The following NRG1 variants were observed in gnomAD, a reference collection of about 807,000 sequenced individuals.
NRG1 encodes pro-neuregulin-1, membrane-bound isoform.
Under a neutral mutation model 63.8 loss-of-function variants are expected in NRG1, and 18 were observed. That is an observed-to-expected ratio of 0.28 (90% CI 0.19 to 0.42). NRG1 has a LOEUF of 0.42. NRG1 is among the 10% of genes least tolerant of loss of function. The probability of loss-of-function intolerance (pLI) is 1.00; values close to 1 mark genes in which losing one functional copy is unlikely to be tolerated. For missense variants in NRG1, 762 were observed against 814.7 expected, an observed-to-expected ratio of 0.94 and a Z score of 0.79; for synonymous variants, 302 against 301.3, an observed-to-expected ratio of 1.00 and a Z score of -0.02.
intron 1 of NRG1, among the ~76,000 whole-genome samples, chr8:32,253,222 C>A (rs1427556935): frequency 6.6e-6 from 1 of 152,146 alleles, no homozygotes; most frequent in Non-Finnish European, 1.5e-5. Flanking sequence ...GCCAGAACTT[C>A]CAATACAATG....
chr8:32,412,469 T>TATATACATATATATATATATATATATAC (rs1399867985), intron 1 of NRG1, among the ~76,000 whole-genome samples: 1 of 134,062 alleles, frequency 7.5e-6, no homozygotes, highest in Non-Finnish European at 1.7e-5. Context: ...TATATATATA[T>TATATACATATATATATATATATATATAC]ATATATGAAC....
At chr8:31,682,426 G>A (rs12677942) in intron 1 of NRG1, among the ~76,000 whole-genome samples, 29,356 of 152,014 alleles carry the variant, frequency 0.19, 3,344 homozygotes, top group East Asian at 0.27. Flanking sequence ...ATAACTCAGA[G>A]GTTCGTTAGC....
chr8:32,497,502 T>C lies in NRG1; in HGVS notation c.38-98326T>C, dbSNP rs149548955. 2.7e-5 allele frequency among the ~76,000 whole-genome samples: 4 copies of C among 149,552 alleles called. No individual in the cohort carries two copies. The East Asian group carries it at 7.8e-4, about 29-fold the overall frequency. ...AAATGATACCTAAAATGATAAACAATTTAAATTTAGCATAATTATCATTTT... is the reference window on the plus strand; with the variant it reads ...AAATGATACCTAAAATGATAAACAACTTAAATTTAGCATAATTATCATTTT... On this transcript the variant is annotated intron_variant, in intron 1 of 10. Transcript: ENST00000519301.
intron 1 of NRG1, among the ~76,000 whole-genome samples, chr8:31,650,391 A>G (rs934862202): frequency 6.6e-6 from 1 of 152,162 alleles, no homozygotes; most frequent in African/African-American, 2.4e-5. Flanking sequence ...ATAAAGCCTT[A>G]TCTTTCTCAC....
intron 7 of NRG1, chr8:32,750,959 A>G (rs1052815650): frequency 6.6e-6 from 1 of 152,294 alleles, no homozygotes; most frequent in Non-Finnish European, 1.5e-5. Context: ...AGGGAGGGAA[A>G]AAATTCTACC....
intron 1 of NRG1, among the ~76,000 whole-genome samples, chr8:32,542,953 C>T (rs1365351481): frequency 6.6e-6 from 1 of 151,932 alleles, no homozygotes; most frequent in East Asian, 1.9e-4. Flanking sequence ...GATGGGTGGG[C>T]CACAGAAAGA....
intron 3 of NRG1, among the ~76,000 whole-genome samples, chr8:32,608,324 T>C (rs1281920476): frequency 6.6e-6 from 1 of 151,452 alleles, no homozygotes; most frequent in East Asian, 1.9e-4. Flanking sequence ...GTGCATGCCA[T>C]TACGCCTGGC....
chr8:32,630,562 C>G (rs73590618), intron 5 of NRG1, among the ~76,000 whole-genome samples: 3,459 of 152,216 alleles, frequency 0.023, 137 homozygotes, highest in African/African-American at 0.08. Context: ...TCAGCTACTT[C>G]ATGTTTGAAG....
intron 5 of NRG1, among the ~76,000 whole-genome samples, chr8:32,628,733 C>CT (rs66843732): frequency 0.012 from 1,614 of 138,128 alleles, 19 homozygotes; most frequent in African/African-American, 0.029. Flanking sequence ...ACTTTCTGCC[C>CT]TTTTTTTTTT....
chr8:31,734,017 C>T (rs1814394041), intron 1 of NRG1, among the ~76,000 whole-genome samples: 1 of 152,138 alleles, frequency 6.6e-6, no homozygotes, highest in African/African-American at 2.4e-5. Flanking sequence ...ATGACTCCAT[C>T]CCTGCCATGT....
Position 32,421,444 on chromosome 8 carries a change from T to A in NRG1, c.38-174384T>A, listed in dbSNP as rs186005743. Among the ~76,000 whole-genome samples, 250 of 152,294 alleles carry A rather than the reference T, an allele frequency of 1.6e-3. 1 individual carries two copies. Among genetic ancestry groups the A allele is most frequent in the African/African-American group, 5.7e-3 (239 of 41,578 alleles). ...CTTCTCTCTTTCAAATGGGAGATAATTGCTGGGCAGCTAGAGCTCACAGGC... is the reference window on the plus strand; with the variant it reads ...CTTCTCTCTTTCAAATGGGAGATAAATGCTGGGCAGCTAGAGCTCACAGGC... On this transcript the variant is annotated intron_variant, in intron 1 of 10. Transcript: ENST00000519301.
chr8:31,934,720 G>C (rs1835159710), intron 1 of NRG1, among the ~76,000 whole-genome samples: 1 of 151,712 alleles, frequency 6.6e-6, no homozygotes, highest in Admixed American at 6.6e-5. Flanking sequence ...CTTTTTTTGT[G>C]TTTCAGGGTC....
At chr8:31,953,373 TGG>T (rs1386346291) in intron 1 of NRG1, among the ~76,000 whole-genome samples, 1 of 152,214 alleles carries the variant, frequency 6.6e-6, no homozygotes, top group Non-Finnish European at 1.5e-5. Context: ...TTTAACTTTG[TGG>T]AATGTTTGAA....
intron 1 of NRG1, among the ~76,000 whole-genome samples, chr8:31,868,742 A>G (rs1829215641): frequency 6.6e-6 from 1 of 152,200 alleles, no homozygotes. Flanking sequence ...CAGTCATTCT[A>G]TGGCATAGGT....
At chr8:31,832,265 T>TC (rs1269440901) in intron 1 of NRG1, among the ~76,000 whole-genome samples, 1 of 151,554 alleles carries the variant, frequency 6.6e-6, no homozygotes, top group East Asian at 1.9e-4. Flanking sequence ...TTTTTTTTTT[T>TC]TTCTTGAGAT....
chr8:32,209,082 C>T (rs1844386235), intron 1 of NRG1, among the ~76,000 whole-genome samples: 1 of 152,122 alleles, frequency 6.6e-6, no homozygotes, highest in Non-Finnish European at 1.5e-5. Context: ...AATAACTTAA[C>T]ATCTCTGCTC....
chr8:31,773,001 ATGATATGTCCATCTG>A (rs1563384153), intron 1 of NRG1, among the ~76,000 whole-genome samples: 1 of 152,190 alleles, frequency 6.6e-6, no homozygotes, highest in East Asian at 1.9e-4. Context: ...GACTTACTGT[ATGATATGTCCATCTG>A]TGAAGGTCCT....
chr8:32,672,920 GT>G (rs1228360391), intron 5 of NRG1, among the ~76,000 whole-genome samples: 1 of 152,100 alleles, frequency 6.6e-6, no homozygotes, highest in Admixed American at 6.5e-5. Context: ...AAAGAACTCT[GT>G]TTTTTTCATT....
intron 1 of NRG1, among the ~76,000 whole-genome samples, chr8:32,443,810 C>T (rs1047952179): frequency 6.9e-5 from 10 of 145,916 alleles, no homozygotes; most frequent in African/African-American, 2.3e-4. Context: ...TTCGAGAACG[C>T]ATTTCTATTA....
Sources: allele counts gnomAD v4.1 joint callset (sites outside exome capture counted in the v4.1 genomes callset), GRCh38; gene constraint gnomAD v4.1.1; transcripts MANE v1.5; gene names NCBI Gene and HGNC (gene_info 2026-07-23, HGNC 2026-07-21).